SMO: variants seen among roughly 807,000 people sequenced by gnomAD.
The protein encoded by SMO is smoothened, frizzled class receptor, also known as protein smoothened.
SMO carries 40 observed loss-of-function variants against 81.6 expected under a neutral mutation model. The observed-to-expected ratio is 0.49, with a 90% confidence interval of 0.38 to 0.64. The LOEUF (loss-of-function observed/expected upper bound fraction) is 0.64, where lower values mean the gene tolerates loss of function less well. SMO is among the 30% of genes least tolerant of loss of function. The pLI is 0.00. For missense variants in SMO, 916 were observed against 1,061.1 expected (o/e 0.86, Z 1.90); for synonymous variants, 434 against 432.1 (o/e 1.00, Z -0.05).
chr7:129,213,090 A>C lies in SMO; in HGVS notation c.*639A>C, dbSNP rs1384703218. The stretch of plus-strand genomic sequence containing the variant: ...TCCTTCTTCTGTTCCATTTCAGTTC[A>C]GTTTCAGCGGTGCCAACCTCTTTGC... On this transcript the variant is annotated 3_prime_UTR_variant, in exon 12 of 12. Transcript: ENST00000249373. 2 of 237,236 alleles carry C rather than the reference A, an allele frequency of 8.4e-6. No homozygotes were observed. Among genetic ancestry groups the C allele is most frequent in the Admixed American group, 5.6e-5 (1 of 17,830 alleles). The allele number at this position is 237,236 out of a possible 1,614,324, so 14.7% of individuals were successfully genotyped here.
intron 7 of SMO, 22 bp from the exon 8 acceptor site, chr7:129,209,267 G>T (rs1206482071): frequency 6.8e-7 from 1 of 1,467,872 alleles, no homozygotes; most frequent in African/African-American, 1.4e-5. Context: ...GTAACGTCCT[G>T]TCCTGCCCCT....
Position 129,212,485 on chromosome 7 carries a change from G to C in SMO, c.*34G>C. 6.3e-7 allele frequency: 1 copy of C among 1,584,024 alleles called. No homozygotes were observed. Among genetic ancestry groups the C allele is most frequent in the Non-Finnish European group, 8.6e-7 (1 of 1,159,122 alleles). On this transcript the variant is annotated 3_prime_UTR_variant, in exon 12 of 12. Coordinates refer to ENST00000249373, the MANE Select transcript of SMO (RefSeq NM_005631.5). This position sits in a 1 kb window ranked among gnomAD's most constrained non-coding sequence, Gnocchi z 5.0. ...AGCAGGACCTGGGACAGGAAAGAGA[G>C]GAACCAATACCTTCAAGGCTCTTCT...
rs755362549 is a variant in SMO at position 129,211,657 on chromosome 7, A to G, written c.1823A>G (p.Asn608Ser). 62 of 1,613,002 alleles carry G rather than the reference A, an allele frequency of 3.8e-5. No homozygotes were observed. The highest frequency in any genetic ancestry group is 2.1e-4 in the African/African-American group (16 of 74,824). ...ACAGCGGGCTTGGCCTTTGACCTCA[A>G]TGAGCCCTCAGCTGATGTCTCCTCT... Reference protein sequence around the residue: ...GPVAGLAFDLNEPSADVSSAW... With the variant: ...GPVAGLAFDLSEPSADVSSAW... The change falls in exon 11 of 12, where the codon AAT becomes AGT. Residue 608 changes from asparagine to serine, a missense_variant. Asn to Ser is a conservative substitution (Grantham distance 46). Coordinates refer to ENST00000249373, the MANE Select transcript of SMO (RefSeq NM_005631.5). This position sits in a 1 kb window ranked among gnomAD's most constrained non-coding sequence, Gnocchi z 4.6.
rs1793857967 is a variant in SMO, at chr7:129,210,904, C to T, written c.1653-61C>T. On this transcript the variant is annotated intron_variant, in intron 9 of 11. Coordinates refer to ENST00000249373, the MANE Select transcript of SMO (RefSeq NM_005631.5). The surrounding 1 kb of genome is among the most constrained non-coding windows in gnomAD (Gnocchi z 4.7). ...GAAAGAATGGCATCGCTGGCCCTTC[C>T]CAAGATTTGATGGGAAGTGGCAGCT... is the stretch of plus-strand genomic sequence containing the variant. 1.3e-6 allele frequency: 2 copies of T among 1,532,122 alleles called. No homozygotes were observed. The highest frequency in any genetic ancestry group is 4.5e-5 in the East Asian group (2 of 44,050). 94.9% of individuals were successfully genotyped at this position (1,532,122 alleles called of 1,614,324 possible).
rs1793877080 is a variant in SMO, at chr7:129,211,923, G to T, written c.1937-101G>T. 1 of 1,415,022 alleles carries T rather than the reference G, an allele frequency of 7.1e-7. No individual in the cohort carries two copies. The highest frequency in any genetic ancestry group is 9.6e-7 in the Non-Finnish European group (1 of 1,044,882). The allele number at this position is 1,415,022 out of a possible 1,614,324, so 87.7% of individuals were successfully genotyped here. On this transcript the variant is annotated intron_variant, in intron 11 of 11. Transcript: ENST00000249373. The surrounding 1 kb of genome is among the most constrained non-coding windows in gnomAD (Gnocchi z 4.6). ...GGGGCTGAGGCTCTAAGAGTCTAGAGACCTGGGCCCCAGAACTAACAGGTT... is the reference window on the plus strand; with the variant it reads ...GGGGCTGAGGCTCTAAGAGTCTAGATACCTGGGCCCCAGAACTAACAGGTT...
rs2150646667 is a variant in SMO at position 129,203,472 on chromosome 7, G to A, written c.420G>A (p.Glu140=). ...YMPKCENDRV[E]LPSRTLCQAT... Reference sequence around the variant, plus strand: ...CCAAGTGTGAGAATGACCGGGTGGAGCTGCCCAGCCGTACCCTCTGCCAGG... The same window carrying A: ...CCAAGTGTGAGAATGACCGGGTGGAACTGCCCAGCCGTACCCTCTGCCAGG... Residue 140 remains glutamate (E), a synonymous_variant, in exon 2 of 12, where the codon GAG becomes GAA. Coordinates refer to ENST00000249373, the MANE Select transcript of SMO (RefSeq NM_005631.5). 6.3e-7 allele frequency: 1 copy of A among 1,590,440 alleles called. No homozygotes were observed. The highest frequency in any genetic ancestry group is 8.6e-7 in the Non-Finnish European group (1 of 1,168,796).
In SMO at chr7:129,211,530, C is replaced by T. The variant is rs1793869815; in HGVS notation, c.1802-106C>T. Reference sequence around the variant, plus strand: ...TACAGGGTGAGCTTTCTCTGGTGAGCAGGAGGGACTGGCTGTGGGAAGATG... The same window carrying T: ...TACAGGGTGAGCTTTCTCTGGTGAGTAGGAGGGACTGGCTGTGGGAAGATG... On this transcript the variant is annotated intron_variant, in intron 10 of 11. Coordinates refer to ENST00000249373, the MANE Select transcript of SMO (RefSeq NM_005631.5). This position sits in a 1 kb window ranked among gnomAD's most constrained non-coding sequence, Gnocchi z 4.6. The T allele has an allele frequency of 8.0e-7, 1 of 1,243,710 alleles. No individual in the cohort carries two copies. Among genetic ancestry groups the T allele is most frequent in the South Asian group, 1.2e-5 (1 of 81,848 alleles). 77.0% of individuals were successfully genotyped at this position (1,243,710 alleles called of 1,614,324 possible). A position where few individuals can be genotyped will look rare whatever the true frequency, so the allele number is the denominator to read the frequency against.
chr7:129,207,191 T>A (rs775507604), intron 6 of SMO, among the ~76,000 whole-genome samples: 1 of 152,140 alleles, frequency 6.6e-6, no homozygotes, highest in Non-Finnish European at 1.5e-5. Context: ...CCCAGTCAGC[T>A]CCTGGCCGGT....
In SMO at chr7:129,203,588, C is replaced by T. The variant is rs115491500; in HGVS notation, c.536C>T (p.Thr179Met). The change falls in exon 2 of 12, where the codon ACG becomes ATG. Residue 179 changes from threonine (T) to methionine (M), a missense_variant and splice_region_variant. By Grantham distance (81) the Thr-to-Met change is moderately conservative. This residue lies in a region of SMO where 436 missense variants were observed against 570.9 expected (regional missense o/e 0.76). Coordinates refer to ENST00000249373, the MANE Select transcript of SMO (RefSeq NM_005631.5). ...CCTGACCGCTTCCCTGAAGGCTGCACGGTGAGTGCTCTGTGAGACAAGGTC... is the reference window on the plus strand; with the variant it reads ...CCTGACCGCTTCCCTGAAGGCTGCATGGTGAGTGCTCTGTGAGACAAGGTC... ...CTPDRFPEGC[T>M]NEVQNIKFNS... 356 of 1,596,176 alleles carry T rather than the reference C, an allele frequency of 2.2e-4. No homozygotes were observed. In the East Asian group the frequency reaches 6.0e-3, roughly 27 times the overall value.
At position 129,210,277 on chromosome 7, in the gene SMO, C is replaced by T. The variant is rs1793847655; in HGVS notation, c.1467-86C>T. On this transcript the variant is annotated intron_variant, in intron 8 of 11. Transcript: ENST00000249373. This position sits in a 1 kb window ranked among gnomAD's most constrained non-coding sequence, Gnocchi z 4.7. ...TTGTGATCACGCCACCGCACTCTAG[C>T]CTGGGTGACAGAGCAAGATCCTATC... 1 of 1,185,254 alleles carries T rather than the reference C, an allele frequency of 8.4e-7. No homozygotes were observed. 73.4% of individuals were successfully genotyped at this position (1,185,254 alleles called of 1,614,324 possible). A position where few individuals can be genotyped will look rare whatever the true frequency, so the allele number is the denominator to read the frequency against.
At chr7:129,200,365 G>A (rs1793650499) in intron 1 of SMO, among the ~76,000 whole-genome samples, 1 of 151,948 alleles carries the variant, frequency 6.6e-6, no homozygotes, top group Non-Finnish European at 1.5e-5. Context: ...AGCTCGCAGT[G>A]AGCCGAGATC....
Position 129,213,080 on chromosome 7 carries a change from AT to A in SMO, c.*632del. The A allele has an allele frequency of 4.2e-6, 1 of 238,286 alleles. No homozygotes were observed. The allele number at this position is 238,286 out of a possible 1,614,324, so 14.8% of individuals were successfully genotyped here. A position where few individuals can be genotyped will look rare whatever the true frequency, so the allele number is the denominator to read the frequency against. On this transcript the variant is annotated 3_prime_UTR_variant, in exon 12 of 12. Coordinates refer to ENST00000249373, the MANE Select transcript of SMO (RefSeq NM_005631.5). The stretch of plus-strand genomic sequence containing the variant: ...TCCTATATCCTCCTTCTTCTGTTCC[AT>A]TTCAGTTCAGTTTCAGCGGTGCCAA...
chr7:129,193,881 G>T (rs368036334), intron 1 of SMO, among the ~76,000 whole-genome samples: 5 of 138,252 alleles, frequency 3.6e-5, no homozygotes, highest in East Asian at 2.2e-4. Context: ...GAGGCAGGAG[G>T]ATTTCTTGAA....
At position 129,211,561 on chromosome 7, in the gene SMO, C is replaced by T. The variant is rs2150655349; in HGVS notation, c.1802-75C>T. 1 of 1,506,662 alleles carries T rather than the reference C, an allele frequency of 6.6e-7. No individual in the cohort carries two copies. Among genetic ancestry groups the T allele is most frequent in the South Asian group, 1.1e-5 (1 of 87,020 alleles). 93.3% of individuals were successfully genotyped at this position (1,506,662 alleles called of 1,614,324 possible). On this transcript the variant is annotated intron_variant, in intron 10 of 11. Transcript: ENST00000249373. This position sits in a 1 kb window ranked among gnomAD's most constrained non-coding sequence, Gnocchi z 4.6. Reference sequence around the variant, plus strand: ...GGACTGGCTGTGGGAAGATGAATGGCACTGACTATGGGAGGCACTGCCAGG... The same window carrying T: ...GGACTGGCTGTGGGAAGATGAATGGTACTGACTATGGGAGGCACTGCCAGG...
Position 129,211,465 on chromosome 7 carries a change from C to T in SMO, c.1802-171C>T. ...GTTAGGCCCTTTGGGGACGTGAGGC[C>T]CTTCTCTTCAGATTCTGAAGGGGTA... On this transcript the variant is annotated intron_variant, in intron 10 of 11. Transcript: ENST00000249373. This position sits in a 1 kb window ranked among gnomAD's most constrained non-coding sequence, Gnocchi z 4.6. 1 of 788,368 alleles carries T rather than the reference C, an allele frequency of 1.3e-6. No individual in the cohort carries two copies. The allele number at this position is 788,368 out of a possible 1,614,324, so 48.8% of individuals were successfully genotyped here. A position where few individuals can be genotyped will look rare whatever the true frequency, so the allele number is the denominator to read the frequency against.
At chr7:129,200,400 G>A (rs747150810) in intron 1 of SMO, among the ~76,000 whole-genome samples, 24 of 151,840 alleles carry the variant, frequency 1.6e-4, no homozygotes, top group Non-Finnish European at 2.4e-4. Flanking sequence ...CAGCCTGGGC[G>A]ACAGAGCAAG....
At position 129,195,840 on chromosome 7, in the gene SMO, A is replaced by G. The variant is rs544796221; in HGVS notation, c.331+6358A>G. Among the ~76,000 whole-genome samples the G allele has an allele frequency of 2.5e-4, 38 of 152,184 alleles. No individual in the cohort carries two copies. The South Asian group carries it at 6.0e-3, about 24-fold the overall frequency. ...CTGTGGGCCAGGCGTGGTGGCTCAC[A>G]CCTGTAATCCCAGCACTTTGGGAGG... On this transcript the variant is annotated intron_variant, in intron 1 of 11. Transcript: ENST00000249373.
chr7:129,206,033 C>G lies in SMO; in HGVS notation c.921-117C>G. The G allele has an allele frequency of 1.1e-6, 1 of 934,410 alleles. No individual in the cohort carries two copies. Among genetic ancestry groups the G allele is most frequent in the South Asian group, 1.6e-5 (1 of 61,874 alleles). The allele number at this position is 934,410 out of a possible 1,614,324, so 57.9% of individuals were successfully genotyped here. On this transcript the variant is annotated intron_variant, in intron 4 of 11. Coordinates refer to ENST00000249373, the MANE Select transcript of SMO (RefSeq NM_005631.5). This position sits in a 1 kb window ranked among gnomAD's most constrained non-coding sequence, Gnocchi z 4.4. ...TCTGACCTGGGTCCTGTCTCCAAGC[C>G]CTGACTTCTGGGAACCTCCAGACCT... is the stretch of plus-strand genomic sequence containing the variant.
At chr7:129,190,486 G>C (rs1166559190) in intron 1 of SMO, among the ~76,000 whole-genome samples, 2 of 152,258 alleles carry the variant, frequency 1.3e-5, no homozygotes, top group African/African-American at 4.8e-5. Context: ...AAGAAAACCA[G>C]GAGCCAGGAG....
Sources: gnomAD v4.1 joint callset for allele counts (sites outside exome capture counted in the v4.1 genomes callset) on GRCh38, gnomAD v4.1.1 for gene constraint, gnomAD v4.1.1 regional missense constraint, Gnocchi (gnomAD v3.1) non-coding constraint, MANE v1.5 for transcripts, NCBI Gene and HGNC (gene_info 2026-07-23, HGNC 2026-07-21) for gene names.